Variants in TRDN observed in about 807,000 individuals in gnomAD.
TRDN encodes triadin.
Under a neutral mutation model 149.7 loss-of-function variants are expected in TRDN, and 161 were observed. That is an observed-to-expected ratio of 1.08 (90% CI 0.95 to 1.23). The LOEUF (loss-of-function observed/expected upper bound fraction) is 1.23, where lower values mean the gene tolerates loss of function less well. TRDN is among the 50% of genes most tolerant of loss of function. The pLI is 0.00. For missense variants in TRDN, 896 were observed against 823.5 expected, an observed-to-expected ratio of 1.09 and a Z score of -1.08; for synonymous variants, 294 against 250.5, an observed-to-expected ratio of 1.17 and a Z score of -1.64.
intron 7 of TRDN, among the ~76,000 whole-genome samples, chr6:123,505,980 C>T (rs1024711282): frequency 6.6e-6 from 1 of 152,146 alleles, no homozygotes; most frequent in African/African-American, 2.4e-5. Context: ...ATTTCTAAAC[C>T]TCCTTTGCTG....
intron 24 of TRDN, among the ~76,000 whole-genome samples, chr6:123,286,891 C>T (rs1000037585): frequency 1.3e-5 from 2 of 152,162 alleles, no homozygotes; most frequent in Admixed American, 1.3e-4. Flanking sequence ...GCTACTTGGA[C>T]TCCATTCCAG....
chr6:123,567,311 C>CG (rs766574092), intron 2 of TRDN, among the ~76,000 whole-genome samples: 6 of 152,122 alleles, frequency 3.9e-5, no homozygotes, highest in Non-Finnish European at 8.8e-5. Flanking sequence ...TTTGATATCA[C>CG]GGGACTTTTC....
intron 20 of TRDN, among the ~76,000 whole-genome samples, chr6:123,365,189 A>G (rs2114354296): frequency 6.6e-6 from 1 of 152,292 alleles, no homozygotes; most frequent in Non-Finnish European, 1.5e-5. Flanking sequence ...TAATTTCAAT[A>G]ACTTAATTGC....
At position 123,556,618 on chromosome 6, in the gene TRDN, C is replaced by T. The variant is rs528904468; in HGVS notation, c.233-8006G>A. 1.7e-4 allele frequency among the ~76,000 whole-genome samples: 26 copies of T among 151,884 alleles called. 1 individual carries two copies. Among genetic ancestry groups the T allele is most frequent in the African/African-American group, 6.0e-4 (25 of 41,400 alleles). ...CTTCCTCCTCCTCCTTCTTCTTCCT[C>T]TTCCTCCTATTCCTCTTCCTCTTCT... On this transcript the variant is annotated intron_variant, in intron 2 of 40. Transcript: ENST00000334268.
intron 10 of TRDN, chr6:123,439,923 T>G (rs973997711): frequency 6.6e-6 from 1 of 152,222 alleles, no homozygotes; most frequent in African/African-American, 2.4e-5. Flanking sequence ...AGCAGTGCTA[T>G]TTACCTTATA....
intron 6 of TRDN, among the ~76,000 whole-genome samples, chr6:123,515,638 G>A (rs1489787239): frequency 6.6e-6 from 1 of 151,936 alleles, no homozygotes; most frequent in South Asian, 2.1e-4. Context: ...GTGGTCTACT[G>A]TATGTGGGTT....
At chr6:123,442,561 AG>A (rs1554238516) in intron 10 of TRDN, among the ~76,000 whole-genome samples, 1 of 122,710 alleles carries the variant, frequency 8.1e-6, no homozygotes, top group Non-Finnish European at 1.7e-5. Context: ...AAAAAAAAAA[AG>A]AAAAAAAAAA....
In TRDN at chr6:123,382,152, A is replaced by C. The variant is rs1441586931; in HGVS notation, c.1136-5T>G. On this transcript the variant is annotated splice_polypyrimidine_tract_variant and splice_region_variant and intron_variant, in intron 14 of 40. Coordinates refer to ENST00000334268, the MANE Select transcript of TRDN (RefSeq NM_006073.4). ...GTTTTTTTGTTTTCTTGGAATCTGA[A>C]AACACAAAGATAAATTATTAATAAA... 2 of 1,499,842 alleles carry C rather than the reference A, an allele frequency of 1.3e-6. No individual in the cohort carries two copies. The highest frequency in any genetic ancestry group is 1.8e-6 in the Non-Finnish European group (2 of 1,122,320). The allele number at this position is 1,499,842 out of a possible 1,614,324, so 92.9% of individuals were successfully genotyped here.
chr6:123,471,962 A>T (rs1413430215), intron 9 of TRDN, among the ~76,000 whole-genome samples: 1 of 152,210 alleles, frequency 6.6e-6, no homozygotes, highest in African/African-American at 2.4e-5. Context: ...AAGAATGTAA[A>T]AGACTTTTGA....
At chr6:123,438,565 A>G (rs62419028) in intron 11 of TRDN, among the ~76,000 whole-genome samples, 19,205 of 152,100 alleles carry the variant, frequency 0.13, 1,697 homozygotes, top group South Asian at 0.3. Context: ...TATGTGTAAA[A>G]CAAACCAATC....
intron 22 of TRDN, among the ~76,000 whole-genome samples, chr6:123,333,921 G>A (rs1779761025): frequency 6.6e-6 from 1 of 152,018 alleles, no homozygotes; most frequent in African/African-American, 2.4e-5. Context: ...ATGGTGCTGG[G>A]ATATAAAGTG....
At chr6:123,406,634 T>C (rs1438315679) in intron 12 of TRDN, among the ~76,000 whole-genome samples, 2 of 152,104 alleles carry the variant, frequency 1.3e-5, no homozygotes, top group Non-Finnish European at 2.9e-5. Flanking sequence ...GGTTTTGCTG[T>C]GACTCATTGT....
Position 123,571,226 on chromosome 6 carries a change from T to C in TRDN, c.23-94A>G, listed in dbSNP as rs188494926. On this transcript the variant is annotated intron_variant, in intron 1 of 40. Transcript: ENST00000334268. ...TGACTATATGAGTGCTGAACCTGTT[T>C]ATACTGCTTTCTAGAGCAGCACAAC... 4.1e-4 allele frequency: 543 copies of C among 1,315,042 alleles called. 3 individuals carry two copies. In the East Asian group the frequency reaches 0.013, roughly 30 times the overall value. 81.5% of individuals were successfully genotyped at this position (1,315,042 alleles called of 1,614,324 possible).
At chr6:123,449,889 C>T (rs557538454) in intron 10 of TRDN, among the ~76,000 whole-genome samples, 2 of 152,270 alleles carry the variant, frequency 1.3e-5, no homozygotes, top group South Asian at 4.1e-4. Context: ...ACCTTACAAG[C>T]CAGAAGGGAT....
At chr6:123,544,632 G>C (rs1175805703) in intron 4 of TRDN, among the ~76,000 whole-genome samples, 1 of 151,944 alleles carries the variant, frequency 6.6e-6, no homozygotes, top group Non-Finnish European at 1.5e-5. Context: ...ATTTATAACA[G>C]TATTTGGTTT....
chr6:123,382,800 A>G (rs1034380031), intron 14 of TRDN, among the ~76,000 whole-genome samples: 3 of 151,928 alleles, frequency 2.0e-5, no homozygotes, highest in African/African-American at 7.2e-5. Context: ...GATCTGATAA[A>G]TTTATTATTT....
At position 123,216,775 on chromosome 6, in the gene TRDN, G is replaced by A. The variant is rs1774984461; in HGVS notation, c.*1826C>T. 1 of 151,780 alleles carries A rather than the reference G, an allele frequency of 6.6e-6. No individual in the cohort carries two copies. The highest frequency in any genetic ancestry group is 2.4e-5 in the African/African-American group (1 of 41,376). 9.4% of individuals were successfully genotyped at this position (151,780 alleles called of 1,614,324 possible). A position where few individuals can be genotyped will look rare whatever the true frequency, so the allele number is the denominator to read the frequency against. ...TCATTCACTATGTCAGAATAGCGCT[G>A]GGAATCTAATTTATTATATTTTTCT... On this transcript the variant is annotated 3_prime_UTR_variant, in exon 41 of 41. Transcript: ENST00000334268.
intron 12 of TRDN, among the ~76,000 whole-genome samples, chr6:123,412,979 C>G (rs1773504490): frequency 6.6e-6 from 1 of 151,866 alleles, no homozygotes; most frequent in South Asian, 2.1e-4. Context: ...TCTCTGTGTT[C>G]AAACATAGAA....
chr6:123,530,415 A>T, intron 5 of TRDN, 91 bp downstream of exon 5: 1 of 761,004 alleles, frequency 1.3e-6, no homozygotes. Flanking sequence ...CAAAAATGTT[A>T]CAAAAACACT....
Sources: gnomAD v4.1 joint callset for allele counts (sites outside exome capture counted in the v4.1 genomes callset) on GRCh38, gnomAD v4.1.1 for gene constraint, MANE v1.5 for transcripts, NCBI Gene and HGNC (gene_info 2026-07-23, HGNC 2026-07-21) for gene names.